Variants in CORO1C observed in about 807,000 individuals in gnomAD.
CORO1C encodes coronin-1C.
CORO1C carries 14 observed loss-of-function variants against 51.2 expected under a neutral mutation model. The ratio of observed to expected loss-of-function variants is 0.27; its 90% CI spans 0.18 to 0.43. The LOEUF (loss-of-function observed/expected upper bound fraction) is 0.43, where lower values mean the gene tolerates loss of function less well. Ranked by LOEUF, CORO1C falls within the 20% of genes least tolerant of loss-of-function variation. The pLI is 1.00. For missense variants in CORO1C, 417 were observed against 607.8 expected, an observed-to-expected ratio of 0.69 and a Z score of 3.30; for synonymous variants, 181 against 210.5, an observed-to-expected ratio of 0.86 and a Z score of 1.21.
At chr12:108,716,127 CAAAAAAAAA>C (rs61278729) in intron 1 of CORO1C, among the ~76,000 whole-genome samples, 22 of 41,072 alleles carry the variant, frequency 5.4e-4, no homozygotes, top group African/African-American at 1.3e-3. Flanking sequence ...GACTCTGTCG[CAAAAAAAAA>C]AAAAAAAAAA....
intron 3 of CORO1C, 103 bp from the exon 4 acceptor site, chr12:108,662,261 A>G: frequency 1.1e-6 from 1 of 952,030 alleles, no homozygotes; most frequent in Non-Finnish European, 1.6e-6. Context: ...TGTAAACAGA[A>G]CATAGAGTGA....
intron 2 of CORO1C, among the ~76,000 whole-genome samples, chr12:108,698,249 A>G (rs1441216637): frequency 6.6e-6 from 1 of 152,260 alleles, no homozygotes; most frequent in Non-Finnish European, 1.5e-5. Flanking sequence ...TCTACTTGCC[A>G]AAGTTATACA....
chr12:108,664,617 AG>A (rs1262124668), intron 3 of CORO1C, among the ~76,000 whole-genome samples: 1 of 152,224 alleles, frequency 6.6e-6, no homozygotes, highest in Non-Finnish European at 1.5e-5. Flanking sequence ...TAGAAGGAAA[AG>A]GAAGACCTAC....
chr12:108,679,110 A>AC (rs1491171114), intron 2 of CORO1C, among the ~76,000 whole-genome samples: 1 of 114,378 alleles, frequency 8.7e-6, no homozygotes, highest in Admixed American at 8.3e-5. Context: ...ACTCTGTCTC[A>AC]AAAAAAAAAA....
chr12:108,722,839 T>TAATGCATAATTCAGTCCACTGCACTC (rs2035505576), intron 1 of CORO1C, among the ~76,000 whole-genome samples: 1 of 152,218 alleles, frequency 6.6e-6, no homozygotes, highest in Non-Finnish European at 1.5e-5. Context: ...TTCTACTTGA[T>TAATGCATAATTCAGTCCACTGCACTC]AAAAGTAATT....
intron 2 of CORO1C, among the ~76,000 whole-genome samples, chr12:108,684,633 G>C (rs926222704): frequency 6.6e-6 from 1 of 152,008 alleles, no homozygotes; most frequent in Non-Finnish European, 1.5e-5. Flanking sequence ...TTGAAGAAAA[G>C]ATTACCTCTG....
intron 2 of CORO1C, among the ~76,000 whole-genome samples, chr12:108,698,905 C>A (rs772663301): frequency 3.3e-5 from 5 of 152,204 alleles, no homozygotes; most frequent in Admixed American, 6.5e-5. Context: ...CACTTTAATA[C>A]ACAAAAATCT....
chr12:108,648,621 G>C lies in CORO1C; in HGVS notation c.1289C>G (p.Thr430Arg), dbSNP rs745506701. The C allele has an allele frequency of 5.6e-6, 9 of 1,614,214 alleles. No homozygotes were observed. In the East Asian group the frequency reaches 1.8e-4, roughly 32 times the overall value. The change falls in exon 10 of 11, where the codon ACA becomes AGA. Residue 430 changes from threonine (T) to arginine (R), a missense_variant. Coordinates refer to ENST00000261401, the MANE Select transcript of CORO1C (RefSeq NM_014325.4). ...GGTCCTCACCACACTGGCCGTGTCT[G>C]TGGTTTTCTTGGGGATGCTGATCAG... Reference protein sequence around the residue: ...CDLISIPKKTTDTASVQNEAK... With the variant: ...CDLISIPKKTRDTASVQNEAK...
chr12:108,660,171 G>GC (rs1036724532), intron 4 of CORO1C, among the ~76,000 whole-genome samples: 1 of 152,222 alleles, frequency 6.6e-6, no homozygotes, highest in African/African-American at 2.4e-5. Flanking sequence ...TAGGAAACTG[G>GC]CCGGGCACGG....
chr12:108,668,751 C>A (rs2033596710), intron 3 of CORO1C, among the ~76,000 whole-genome samples: 1 of 152,166 alleles, frequency 6.6e-6, no homozygotes, highest in Non-Finnish European at 1.5e-5. Context: ...TCCAAATTAG[C>A]CATTTTTTGC....
At chr12:108,650,455 C>G (rs1340175921) in intron 8 of CORO1C, among the ~76,000 whole-genome samples, 25 of 152,136 alleles carry the variant, frequency 1.6e-4, no homozygotes. Flanking sequence ...GTTGGGATTA[C>G]AGGGTGAACC....
intron 2 of CORO1C, among the ~76,000 whole-genome samples, chr12:108,696,178 G>A (rs974373872): frequency 6.6e-6 from 1 of 152,122 alleles, no homozygotes; most frequent in East Asian, 1.9e-4. Flanking sequence ...TTTCTGTGAG[G>A]GTGAAATCAG....
intron 2 of CORO1C, among the ~76,000 whole-genome samples, chr12:108,680,758 A>G (rs1360524856): frequency 6.6e-6 from 1 of 152,184 alleles, no homozygotes; most frequent in Non-Finnish European, 1.5e-5. Context: ...CACATTTCTG[A>G]TGGTGTCTCT....
rs748130199 is a variant in CORO1C at position 108,701,120 on chromosome 12, C to G, written c.195+4G>C. 6.2e-7 allele frequency: 1 copy of G among 1,613,910 alleles called. No individual in the cohort carries two copies. Among genetic ancestry groups the G allele is most frequent in the African/African-American group, 1.3e-5 (1 of 74,900 alleles). On this transcript the variant is annotated splice_donor_region_variant and intron_variant, in intron 2 of 10. Coordinates refer to ENST00000261401, the MANE Select transcript of CORO1C (RefSeq NM_014325.4). ...CTACCAGAATGGAAGATCAAATTAC[C>G]TACCTTGTGCAGAGGGAGGACAAGG...
Position 108,657,294 on chromosome 12 carries a change from G to A in CORO1C, c.750+10C>T. 1 of 1,612,792 alleles carries A rather than the reference G, an allele frequency of 6.2e-7. No homozygotes were observed. The highest frequency in any genetic ancestry group is 8.5e-7 in the Non-Finnish European group (1 of 1,179,186). On this transcript the variant is annotated intron_variant, in intron 6 of 10. Coordinates refer to ENST00000261401, the MANE Select transcript of CORO1C (RefSeq NM_014325.4). The stretch of plus-strand genomic sequence containing the variant: ...AGTGAAAGCAAGTGGAAAGCCTGGG[G>A]AGGGCGTACCGGATTCCAGAGAGCC...
chr12:108,647,337 C>G lies in CORO1C; in HGVS notation c.*66G>C. The G allele has an allele frequency of 6.4e-7, 1 of 1,562,144 alleles. No homozygotes were observed. The highest frequency in any genetic ancestry group is 1.2e-5 in the South Asian group (1 of 85,560). ...CCTTTCCGCCCTCCCTAGGACCACA[C>G]CAATAACCAGCTCCCAAGCACAAGT... On this transcript the variant is annotated 3_prime_UTR_variant, in exon 11 of 11. Transcript: ENST00000261401.
intron 3 of CORO1C, 88 bp downstream of exon 3, chr12:108,678,184 A>C (rs565811313): frequency 8.0e-7 from 1 of 1,246,158 alleles, no homozygotes; most frequent in South Asian, 1.7e-5. Flanking sequence ...TCAAGCCTCT[A>C]TACATACACA....
At chr12:108,722,984 G>A (rs998796520) in intron 1 of CORO1C, among the ~76,000 whole-genome samples, 30 of 152,324 alleles carry the variant, frequency 2.0e-4, no homozygotes, top group African/African-American at 6.0e-4. Flanking sequence ...ACAGAAGAGA[G>A]AGCCTAAAGG....
In CORO1C at chr12:108,652,408, T is replaced by C. The variant is rs202229272; in HGVS notation, c.865A>G (p.Ser289Gly). 2 of 1,613,446 alleles carry C rather than the reference T, an allele frequency of 1.2e-6. No homozygotes were observed. Among genetic ancestry groups the C allele is most frequent in the African/African-American group, 1.3e-5 (1 of 75,052 alleles). ...IIYLCGKGDS[S>G]IRYFEITDES... ...TCCGTGATCTCAAAATAGCGAATAC[T>C]GCTGTCACCCTGTAAGAAACCAGAG... The change falls in exon 8 of 11, where the codon AGT (serine) becomes GGT (glycine). Residue 289 changes from serine to glycine, a missense_variant. Physicochemically the swap from Ser to Gly is moderately conservative, Grantham distance 56. Coordinates refer to ENST00000261401, the MANE Select transcript of CORO1C (RefSeq NM_014325.4).
Sources: allele counts gnomAD v4.1 joint callset (sites outside exome capture counted in the v4.1 genomes callset), GRCh38; gene constraint gnomAD v4.1.1; transcripts MANE v1.5; gene names NCBI Gene and HGNC (gene_info 2026-07-23, HGNC 2026-07-21).